CHMP4C: variants seen among roughly 807,000 people sequenced by gnomAD.
The protein encoded by CHMP4C is charged multivesicular body protein 4C, also known as SNF7 homolog associated with Alix 3.
A neutral mutation model predicts 29.0 loss-of-function variants in CHMP4C; 28 were observed. The ratio of observed to expected loss-of-function variants is 0.97; its 90% confidence interval spans 0.72 to 1.32. The LOEUF (loss-of-function observed/expected upper bound fraction) is 1.32. CHMP4C is among the 40% of genes most tolerant of loss of function. CHMP4C has a pLI of 0.00. For missense variants in CHMP4C, 291 were observed against 281.0 expected (o/e 1.04, Z -0.25); for synonymous variants, 106 against 102.4 (o/e 1.04, Z -0.21).
At chr8:81,738,003 A>G (rs2130474660) in intron 1 of CHMP4C, among the ~76,000 whole-genome samples, 1 of 151,826 alleles carries the variant, frequency 6.6e-6, no homozygotes, top group East Asian at 1.9e-4. Flanking sequence ...CTCCTCAGTG[A>G]CTCCTTACTG....
At chr8:81,742,779 G>C (rs545900651) in intron 1 of CHMP4C, among the ~76,000 whole-genome samples, 7 of 152,020 alleles carry the variant, frequency 4.6e-5, no homozygotes, top group South Asian at 2.1e-4. Flanking sequence ...AACTTCTACT[G>C]TATTAACTGT....
intron 1 of CHMP4C, among the ~76,000 whole-genome samples, chr8:81,740,777 A>C (rs1366245119): frequency 6.6e-6 from 1 of 152,198 alleles, no homozygotes; most frequent in Admixed American, 6.5e-5. Context: ...TGTTACCTTC[A>C]TCAGATTCTC....
intron 1 of CHMP4C, among the ~76,000 whole-genome samples, chr8:81,740,801 A>T (rs1808754417): frequency 6.6e-6 from 1 of 152,158 alleles, no homozygotes; most frequent in South Asian, 2.1e-4. Flanking sequence ...AGAGCTTTTT[A>T]AAAATGCCAC....
intron 2 of CHMP4C, among the ~76,000 whole-genome samples, chr8:81,754,923 T>G (rs1297031735): frequency 6.6e-6 from 1 of 152,236 alleles, no homozygotes; most frequent in Non-Finnish European, 1.5e-5. Context: ...AATAGATCTC[T>G]AGACCCAGTG....
In CHMP4C at chr8:81,735,838, G is replaced by A. The variant is rs530397126; in HGVS notation, c.190+3022G>A. Among the ~76,000 whole-genome samples the A allele has an allele frequency of 6.6e-5, 10 of 152,186 alleles. No homozygotes were observed. The East Asian group carries it at 1.9e-3, about 29-fold the overall frequency. On this transcript the variant is annotated intron_variant, in intron 1 of 4. Coordinates refer to ENST00000297265, the MANE Select transcript of CHMP4C (RefSeq NM_152284.4). ...ATGGTGGCTCATTCCTGTAATCTCA[G>A]CAATCTGGGGGGCTGAAGTGGGCAG...
At chr8:81,742,669 A>G (rs372887996) in intron 1 of CHMP4C, among the ~76,000 whole-genome samples, 2 of 152,198 alleles carry the variant, frequency 1.3e-5, no homozygotes, top group Admixed American at 1.3e-4. Flanking sequence ...CTCACTTAGC[A>G]GTGCTATTTA....
chr8:81,755,376 G>T lies in CHMP4C; in HGVS notation c.375G>T (p.Leu125=). ...ACAAAATATGATTTCCCAGGGATCTGAACAAAATAGATGATTTGATGCAAG... is the reference window on the plus strand; with the variant it reads ...ACAAAATATGATTTCCCAGGGATCTTAACAAAATAGATGATTTGATGCAAG... ...AMKSVHENMD[L]NKIDDLMQEI... The change falls in exon 3 of 5, where the codon CTG becomes CTT. Residue 125 remains leucine (L), a synonymous_variant. Coordinates refer to ENST00000297265, the MANE Select transcript of CHMP4C (RefSeq NM_152284.4). 1 of 1,595,632 alleles carries T rather than the reference G, an allele frequency of 6.3e-7. No individual in the cohort carries two copies. Among genetic ancestry groups the T allele is most frequent in the South Asian group, 1.1e-5 (1 of 89,636 alleles).
At chr8:81,739,424 G>GT (rs1554592472) in intron 1 of CHMP4C, among the ~76,000 whole-genome samples, 1 of 140,192 alleles carries the variant, frequency 7.1e-6, no homozygotes. Context: ...ATTGTGGGGG[G>GT]GGGTGGAAAA....
rs1808630612 is a variant in CHMP4C at position 81,732,521 on chromosome 8, G to A, written c.-106G>A. ...TGATTCCCAGGAGGGCCGCCTTTCCGGTCTGGGTCCCCGAGAGGACTGCCT... is the reference window on the plus strand; with the variant it reads ...TGATTCCCAGGAGGGCCGCCTTTCCAGTCTGGGTCCCCGAGAGGACTGCCT... On this transcript the variant is annotated 5_prime_UTR_variant, in exon 1 of 5. Transcript: ENST00000297265. 1 of 776,622 alleles carries A rather than the reference G, an allele frequency of 1.3e-6. No homozygotes were observed. Among genetic ancestry groups the A allele is most frequent in the Non-Finnish European group, 2.0e-6 (1 of 491,252 alleles). The allele number at this position is 776,622 out of a possible 1,614,324, so 48.1% of individuals were successfully genotyped here. A position where few individuals can be genotyped will look rare whatever the true frequency, so the allele number is the denominator to read the frequency against.
intron 2 of CHMP4C, among the ~76,000 whole-genome samples, chr8:81,754,238 A>G (rs1700603114): frequency 6.6e-6 from 1 of 152,130 alleles, no homozygotes; most frequent in South Asian, 2.1e-4. Flanking sequence ...TTGCTTTTGG[A>G]TACAAAAATG....
At chr8:81,752,322 C>A (rs937305665) in intron 1 of CHMP4C, among the ~76,000 whole-genome samples, 5 of 152,164 alleles carry the variant, frequency 3.3e-5, no homozygotes, top group Middle Eastern at 3.4e-3. Context: ...GGTTGCCTTC[C>A]AAGGTGCCAC....
At chr8:81,751,415 C>A (rs1808901714) in intron 1 of CHMP4C, among the ~76,000 whole-genome samples, 2 of 151,998 alleles carry the variant, frequency 1.3e-5, no homozygotes, top group Admixed American at 1.3e-4. Context: ...AATAAAATTG[C>A]AGATGATTTC....
chr8:81,753,018 G>A, intron 1 of CHMP4C, 46 bp from the exon 2 acceptor site: 1 of 1,505,226 alleles, frequency 6.6e-7, no homozygotes, highest in Non-Finnish European at 9.0e-7. Context: ...TCTTGATTTA[G>A]TGTCTCTTTC....
intron 1 of CHMP4C, among the ~76,000 whole-genome samples, chr8:81,742,333 C>T (rs552431775): frequency 3.3e-5 from 5 of 152,258 alleles, no homozygotes; most frequent in African/African-American, 1.2e-4. Context: ...TTTAAAATTA[C>T]AGGCAAGGAA....
intron 1 of CHMP4C, among the ~76,000 whole-genome samples, chr8:81,737,723 A>G (rs766066680): frequency 6.6e-6 from 1 of 152,208 alleles, no homozygotes; most frequent in Non-Finnish European, 1.5e-5. Flanking sequence ...CCTTATCTGC[A>G]TAATGGCAAC....
intron 2 of CHMP4C, among the ~76,000 whole-genome samples, chr8:81,753,468 T>G (rs2130494510): frequency 6.6e-6 from 1 of 152,282 alleles, no homozygotes; most frequent in Admixed American, 6.5e-5. Context: ...TCCCCATTAC[T>G]TTATGATTGC....
intron 1 of CHMP4C, among the ~76,000 whole-genome samples, chr8:81,741,189 A>T (rs1808758585): frequency 6.6e-6 from 1 of 152,164 alleles, no homozygotes; most frequent in South Asian, 2.1e-4. Flanking sequence ...AATTTGGAGC[A>T]GTATTGTAAA....
intron 1 of CHMP4C, among the ~76,000 whole-genome samples, chr8:81,748,990 T>C: frequency 6.6e-6 from 1 of 152,094 alleles, no homozygotes; most frequent in Non-Finnish European, 1.5e-5. Context: ...CTACTATTTA[T>C]TTAGTTGCTA....
Position 81,758,858 on chromosome 8 carries a change from G to A in CHMP4C, c.*314G>A, listed in dbSNP as rs954815005. Reference sequence around the variant, plus strand: ...TGTACTAAAAATACAAAAATTAGCCGGACATGGTGGCAGGCACCTGTAATC... The same window carrying A: ...TGTACTAAAAATACAAAAATTAGCCAGACATGGTGGCAGGCACCTGTAATC... On this transcript the variant is annotated 3_prime_UTR_variant, in exon 5 of 5. Coordinates refer to ENST00000297265, the MANE Select transcript of CHMP4C (RefSeq NM_152284.4). 3.8e-5 allele frequency: 8 copies of A among 208,884 alleles called. No individual in the cohort carries two copies. Among genetic ancestry groups the A allele is most frequent in the African/African-American group, 7.0e-5 (3 of 42,932 alleles). The allele number at this position is 208,884 out of a possible 1,614,324, so 12.9% of individuals were successfully genotyped here. A position where few individuals can be genotyped will look rare whatever the true frequency, so the allele number is the denominator to read the frequency against.
Sources: allele counts gnomAD v4.1 joint callset (sites outside exome capture counted in the v4.1 genomes callset), GRCh38; gene constraint gnomAD v4.1.1; transcripts MANE v1.5; gene names NCBI Gene and HGNC (gene_info 2026-07-23, HGNC 2026-07-21).